Variants in SULT6B1 observed in about 807,000 individuals in gnomAD.
The protein encoded by SULT6B1 is sulfotransferase 6B1.
In SULT6B1, 44 loss-of-function variants were observed where a neutral mutation model predicts 37.2. That is an observed-to-expected ratio of 1.18 (90% CI 0.93 to 1.52). The LOEUF (loss-of-function observed/expected upper bound fraction) is 1.52. Among genes scored for constraint, SULT6B1 ranks in the 40% most tolerant of loss-of-function variants. The pLI, the probability that SULT6B1 is intolerant of heterozygous loss-of-function variation, is 0.00. For missense variants in SULT6B1, 450 were observed against 361.0 expected, an observed-to-expected ratio of 1.25 and a Z score of -2.00; for synonymous variants, 140 against 126.0, an observed-to-expected ratio of 1.11 and a Z score of -0.74.
chr2:37,191,918 G>T (rs774259757), upstream of SULT6B1, among the ~76,000 whole-genome samples: 1 of 152,232 alleles, frequency 6.6e-6, no homozygotes, highest in Non-Finnish European at 1.5e-5. Context: ...TGGCATCCCT[G>T]TTTGGGTGTC....
intron 2 of SULT6B1, among the ~76,000 whole-genome samples, chr2:37,183,903 C>G (rs924122753): frequency 1.3e-5 from 2 of 152,142 alleles, no homozygotes; most frequent in African/African-American, 4.8e-5. Flanking sequence ...CTCAGCCTCC[C>G]AAAGTGCTGC....
chr2:37,177,443 A>T (rs1182851597), intron 4 of SULT6B1, among the ~76,000 whole-genome samples: 9 of 137,686 alleles, frequency 6.5e-5, no homozygotes, highest in African/African-American at 2.3e-4. Flanking sequence ...AGAAAGAAAG[A>T]AAAAAAAGAG....
intron 3 of SULT6B1, 37 bp from the exon 4 acceptor site, chr2:37,179,621 A>G (rs1391280528): frequency 3.1e-6 from 5 of 1,592,918 alleles, no homozygotes; most frequent in African/African-American, 1.3e-5. Flanking sequence ...ATTTGGGTCT[A>G]TGTTTTGAAA....
intron 2 of SULT6B1, among the ~76,000 whole-genome samples, chr2:37,185,717 CA>C (rs200087048): frequency 0.031 from 2,579 of 83,380 alleles, 17 homozygotes; most frequent in Non-Finnish European, 0.051. Context: ...GACTCCATTT[CA>C]AAAAAAAAAA....
chr2:37,180,160 T>A (rs13392521), intron 3 of SULT6B1, among the ~76,000 whole-genome samples: 41,295 of 152,014 alleles, frequency 0.27, 6,713 homozygotes, highest in East Asian at 0.79. Flanking sequence ...TTGCAGAGGA[T>A]CACACGTCTG....
At chr2:37,188,079 T>C (rs757101336) in intron 1 of SULT6B1, among the ~76,000 whole-genome samples, 8 of 152,220 alleles carry the variant, frequency 5.3e-5, no homozygotes, top group Non-Finnish European at 1.0e-4. Context: ...TAGAAGTGGC[T>C]GTGCTTTTGT....
upstream of SULT6B1, among the ~76,000 whole-genome samples, chr2:37,189,676 C>T (rs774532380): frequency 3.3e-5 from 5 of 152,174 alleles, no homozygotes; most frequent in Non-Finnish European, 7.3e-5. Flanking sequence ...GGTCATACTA[C>T]GTCATTGTGT....
At position 37,168,057 on chromosome 2, in the gene SULT6B1, C is replaced by T. The variant is rs773293082; in HGVS notation, c.790G>A (p.Gly264Ser). ...TCACTGAACAAATTTTTCCAATCAC[C>T]AACTTCACCTACAACACACAAAAAA... Reference protein sequence around the residue: ...GPFLFRKGEVGDWKNLFSEIQ... With the variant: ...GPFLFRKGEVSDWKNLFSEIQ... Residue 264 changes from glycine to serine, a missense_variant, in exon 7 of 7, where the codon GGT (glycine) becomes AGT (serine). Transcript: ENST00000535679. 2.5e-6 allele frequency: 4 copies of T among 1,590,396 alleles called. No individual in the cohort carries two copies. In the South Asian group the frequency reaches 4.6e-5, roughly 18 times the overall value.
chr2:37,186,076 C>A (rs1201090710), intron 2 of SULT6B1, among the ~76,000 whole-genome samples: 1 of 152,162 alleles, frequency 6.6e-6, no homozygotes, highest in Non-Finnish European at 1.5e-5. Flanking sequence ...TGACCTAATC[C>A]ATGGAAATGG....
intron 1 of SULT6B1, among the ~76,000 whole-genome samples, chr2:37,188,211 A>T (rs1471738668): frequency 1.3e-5 from 2 of 151,864 alleles, no homozygotes; most frequent in East Asian, 3.9e-4. Context: ...TCCATCCTCC[A>T]TCATGGCCTT....
rs1435331831 is a variant in SULT6B1 at position 37,179,491 on chromosome 2, C to G, written c.496G>C (p.Asp166His). 6.2e-7 allele frequency: 1 copy of G among 1,613,892 alleles called. No individual in the cohort carries two copies. Among genetic ancestry groups the G allele is most frequent in the African/African-American group, 1.3e-5 (1 of 74,918 alleles). The stretch of plus-strand genomic sequence containing the variant: ...TTCATGAACTGTCTGAAGAATTCAT[C>G]CCAAGAGCCATAGCTTGGAATATCG... ...VPDIPSYGSWDEFFRQFMKGQ... is the reference protein window; with the variant it reads ...VPDIPSYGSWHEFFRQFMKGQ... The change falls in exon 4 of 7, where the codon GAT becomes CAT. Residue 166 changes from aspartate (D) to histidine (H), a missense_variant. Coordinates refer to ENST00000535679, the MANE Select transcript of SULT6B1 (RefSeq NM_001367551.1).
chr2:37,168,436 G>A (rs936113518), intron 6 of SULT6B1, among the ~76,000 whole-genome samples: 19 of 152,190 alleles, frequency 1.2e-4, no homozygotes, highest in Non-Finnish European at 2.8e-4. Flanking sequence ...AGGTACAGGC[G>A]TGAGCTACTG....
At chr2:37,179,242 G>A (rs1485397584) in intron 4 of SULT6B1, among the ~76,000 whole-genome samples, 4 of 152,218 alleles carry the variant, frequency 2.6e-5, no homozygotes, top group African/African-American at 9.6e-5. Context: ...ACAGGCGTGA[G>A]CCACCACACC....
chr2:37,172,771 G>T (rs925851550), intron 5 of SULT6B1, among the ~76,000 whole-genome samples: 2 of 152,206 alleles, frequency 1.3e-5, no homozygotes, highest in Admixed American at 6.5e-5. Flanking sequence ...GCCTCCCAAA[G>T]TGCTAGGATT....
chr2:37,187,781 G>A (rs565014850), intron 1 of SULT6B1, among the ~76,000 whole-genome samples: 4 of 151,986 alleles, frequency 2.6e-5, no homozygotes, highest in Admixed American at 1.3e-4. Flanking sequence ...ATTATAAGTT[G>A]TATATATTAT....
chr2:37,187,299 C>T lies in SULT6B1; in HGVS notation c.312+56G>A, dbSNP rs537038606. ...ACTGAAAACTAAAGAATCTCCAAAC[C>T]GGAAGAAATCTTTCTATGATAATTT... is the stretch of plus-strand genomic sequence containing the variant. On this transcript the variant is annotated intron_variant, in intron 2 of 6. Transcript: ENST00000535679. 3.4e-5 allele frequency: 41 copies of T among 1,201,606 alleles called. No individual in the cohort carries two copies. In the South Asian group the frequency reaches 4.1e-4, roughly 12 times the overall value. The allele number at this position is 1,201,606 out of a possible 1,614,324, so 74.4% of individuals were successfully genotyped here.
upstream of SULT6B1, among the ~76,000 whole-genome samples, chr2:37,193,597 A>AAAGAAGAAGAAGAAGAAGAAGAAGAAG (rs70949740): frequency 1.5e-3 from 172 of 113,862 alleles, 1 homozygote; most frequent in Non-Finnish European, 1.6e-3. Context: ...AGAAGAAGAA[A>AAAGAAGAAGAAGAAGAAGAAGAAGAAG]AAGAAGAAGA....
At chr2:37,187,328 G>T in intron 2 of SULT6B1, 27 bp downstream of exon 2, 1 of 1,391,294 alleles carries the variant, frequency 7.2e-7, no homozygotes, top group Non-Finnish European at 1.0e-6. Context: ...ATAATTTGCT[G>T]TAAGGTTAAA....
upstream of SULT6B1, among the ~76,000 whole-genome samples, chr2:37,193,642 G>GAAGAAGAAGAAGAAGAAGAAT (rs1553345882): frequency 5.3e-5 from 8 of 150,458 alleles, no homozygotes; most frequent in East Asian, 4.0e-4. Flanking sequence ...AGAAGAAGAA[G>GAAGAAGAAGAAGAAGAAGAAT]AAGAAGAAGG....
Sources: gnomAD v4.1 joint callset for allele counts (sites outside exome capture counted in the v4.1 genomes callset) on GRCh38, gnomAD v4.1.1 for gene constraint, MANE v1.5 for transcripts, NCBI Gene and HGNC (gene_info 2026-07-23, HGNC 2026-07-21) for gene names.